PCDH15: variants seen among roughly 807,000 people sequenced by gnomAD.
The protein encoded by PCDH15 is protocadherin-15.
Under a neutral mutation model 178.5 loss-of-function variants are expected in PCDH15, and 129 were observed. The ratio of observed to expected loss-of-function variants is 0.72; its 90% CI spans 0.63 to 0.84. The LOEUF (loss-of-function observed/expected upper bound fraction) is 0.84, where lower values mean the gene tolerates loss of function less well. PCDH15 is among the 40% of genes least tolerant of loss of function. The probability of loss-of-function intolerance (pLI) is 0.00; values close to 1 mark genes in which losing one functional copy is unlikely to be tolerated. For synonymous variants in PCDH15, 800 were observed against 732.0 expected (o/e 1.09, Z -1.50); for missense variants, 2,230 against 2,099.9 (o/e 1.06, Z -1.21).
chr10:55,077,059 G>A (rs949102795), intron 2 of PCDH15, among the ~76,000 whole-genome samples: 3 of 151,218 alleles, frequency 2.0e-5, no homozygotes, highest in East Asian at 1.9e-4. Flanking sequence ...GAACCACCAC[G>A]CCAGCCAAGT....
intron 2 of PCDH15, among the ~76,000 whole-genome samples, chr10:55,039,299 C>CA (rs1330369237): frequency 6.6e-6 from 1 of 151,014 alleles, no homozygotes; most frequent in African/African-American, 2.4e-5. Flanking sequence ...GAGACTAAAA[C>CA]AAAAAAAGAC....
chr10:53,961,798 A>C lies in PCDH15; in HGVS notation c.2963T>G (p.Val988Gly). Residue 988 changes from valine to glycine, a missense_variant, in exon 22 of 38, where the codon GTA becomes GGA. Val to Gly is a moderately radical substitution (Grantham distance 109, BLOSUM62 -3). Transcript: ENST00000644397. ...IFEVEEDSGR[V>G]ITRVNLNEEP... ...TTCATTAAGATTGACTCGTGTTATTACTCTTCCAGAATCTTCTTCCACTTC... is the reference window on the plus strand; with the variant it reads ...TTCATTAAGATTGACTCGTGTTATTCCTCTTCCAGAATCTTCTTCCACTTC... 1 of 1,611,732 alleles carries C rather than the reference A, an allele frequency of 6.2e-7. No individual in the cohort carries two copies. The highest frequency in any genetic ancestry group is 8.5e-7 in the Non-Finnish European group (1 of 1,178,500).
intron 2 of PCDH15, chr10:55,512,874 T>C (rs571480192): frequency 6.6e-6 from 1 of 152,236 alleles, no homozygotes; most frequent in Non-Finnish European, 1.5e-5. Flanking sequence ...AATGGCAATT[T>C]GTTACCTTCT....
At chr10:54,634,946 C>T (rs577041352) in intron 2 of PCDH15, among the ~76,000 whole-genome samples, 1 of 151,496 alleles carries the variant, frequency 6.6e-6, no homozygotes, top group African/African-American at 2.4e-5. Context: ...TCTAAGTGTA[C>T]ACGGCCTCTT....
chr10:54,137,987 T>C lies in PCDH15; in HGVS notation c.1785-4980A>G, dbSNP rs557680915. 2.0e-5 allele frequency among the ~76,000 whole-genome samples: 3 copies of C among 152,230 alleles called. No homozygotes were observed. In the East Asian group the frequency reaches 5.8e-4, roughly 29 times the overall value. On this transcript the variant is annotated intron_variant, in intron 14 of 37. Transcript: ENST00000644397. ...GGTTTTTTTCTGGCCCCACAGCAGCTACCCCCAACTACATTCCTGATTGTC... is the reference window on the plus strand; with the variant it reads ...GGTTTTTTTCTGGCCCCACAGCAGCCACCCCCAACTACATTCCTGATTGTC...
chr10:54,294,429 G>A (rs996064248), intron 8 of PCDH15, among the ~76,000 whole-genome samples: 2 of 152,078 alleles, frequency 1.3e-5, no homozygotes, highest in South Asian at 2.1e-4. Context: ...CAATCTGCAC[G>A]TTGTACACAT....
At chr10:55,303,161 A>G (rs1303718876) in intron 1 of PCDH15, among the ~76,000 whole-genome samples, 1 of 152,156 alleles carries the variant, frequency 6.6e-6, no homozygotes, top group African/African-American at 2.4e-5. Context: ...TGACAGTTAT[A>G]GTCCTATCAT....
At chr10:54,039,128 G>T (rs1911397) in intron 18 of PCDH15, among the ~76,000 whole-genome samples, 90,725 of 151,792 alleles carry the variant, frequency 0.6, 29,816 homozygotes, top group Middle Eastern at 0.76. Context: ...TTACAGCCAA[G>T]AATATTTCAG....
chr10:55,047,990 A>T (rs541881390), intron 2 of PCDH15, among the ~76,000 whole-genome samples: 1 of 151,968 alleles, frequency 6.6e-6, no homozygotes, highest in South Asian at 2.1e-4. Flanking sequence ...GCAATGGCTT[A>T]TCAGTACTAT....
intron 2 of PCDH15, among the ~76,000 whole-genome samples, chr10:55,418,287 A>G (rs1838533843): frequency 6.6e-6 from 1 of 151,798 alleles, no homozygotes. Context: ...CATTAGAAAT[A>G]TGAAGCTTTT....
At chr10:54,311,692 A>G (rs1397396122) in intron 8 of PCDH15, among the ~76,000 whole-genome samples, 2 of 152,062 alleles carry the variant, frequency 1.3e-5, no homozygotes, top group African/African-American at 4.8e-5. Context: ...CCTTTGTAAC[A>G]CCAGATGTAT....
At chr10:54,052,471 C>A (rs2093798228) in intron 18 of PCDH15, among the ~76,000 whole-genome samples, 1 of 152,188 alleles carries the variant, frequency 6.6e-6, no homozygotes, top group Admixed American at 6.5e-5. Flanking sequence ...GGATTTTGGA[C>A]TTGCATTGGG....
chr10:55,091,759 T>C (rs951061109), intron 2 of PCDH15, among the ~76,000 whole-genome samples: 2 of 151,950 alleles, frequency 1.3e-5, no homozygotes, highest in African/African-American at 2.4e-5. Context: ...CAACACAAAA[T>C]GTAATTCTTA....
intron 3 of PCDH15, among the ~76,000 whole-genome samples, chr10:54,817,464 T>G (rs1263059494): frequency 6.6e-6 from 1 of 151,988 alleles, no homozygotes; most frequent in Non-Finnish European, 1.5e-5. Context: ...ATCAATTGTT[T>G]CAATGCCGTA....
chr10:53,809,647 C>G (rs2075795753), intron 37 of PCDH15: 1 of 1,099,184 alleles, frequency 9.1e-7, no homozygotes, highest in South Asian at 1.5e-5. Flanking sequence ...TGGGTGATAG[C>G]TTCATGCATG....
chr10:54,333,810 G>A (rs1435809107), intron 6 of PCDH15, among the ~76,000 whole-genome samples: 2 of 152,122 alleles, frequency 1.3e-5, no homozygotes, highest in Admixed American at 6.6e-5. Context: ...GATGATTCAG[G>A]TTTTACTTTT....
At chr10:53,890,627 G>C (rs1647751248) in intron 26 of PCDH15, among the ~76,000 whole-genome samples, 1 of 152,052 alleles carries the variant, frequency 6.6e-6, no homozygotes, top group Non-Finnish European at 1.5e-5. Context: ...TTATTAAAGA[G>C]AGAATTATCT....
At chr10:53,939,563 ACTTT>A (rs1173216164) in intron 24 of PCDH15, among the ~76,000 whole-genome samples, 2 of 151,636 alleles carry the variant, frequency 1.3e-5, no homozygotes, top group African/African-American at 4.9e-5. Flanking sequence ...TTCTCTCCTT[ACTTT>A]ATTTTTTCAT....
chr10:54,455,297 C>A (rs1221074557), intron 3 of PCDH15, among the ~76,000 whole-genome samples: 1 of 152,084 alleles, frequency 6.6e-6, no homozygotes, highest in Non-Finnish European at 1.5e-5. Context: ...AATGTGCAAA[C>A]AACATTGGAA....
Sources: allele counts gnomAD v4.1 joint callset (sites outside exome capture counted in the v4.1 genomes callset), GRCh38; gene constraint gnomAD v4.1.1; transcripts MANE v1.5; gene names NCBI Gene and HGNC (gene_info 2026-07-23, HGNC 2026-07-21).